ABCA13: variants seen among roughly 807,000 people sequenced by gnomAD.
The protein encoded by ABCA13 is ATP-binding cassette sub-family A member 13.
Under a neutral mutation model 478.7 loss-of-function variants are expected in ABCA13, and 476 were observed. The observed-to-expected ratio is 0.99, with a 90% CI of 0.92 to 1.07. The LOEUF is 1.07. Among genes scored for constraint, ABCA13 ranks in the 50% least tolerant of loss-of-function variants. The pLI is 0.00. For synonymous variants in ABCA13, 2,252 were observed against 2,158.9 expected, an observed-to-expected ratio of 1.04 and a Z score of -1.20; for missense variants, 6,060 against 5,910.6, an observed-to-expected ratio of 1.03 and a Z score of -0.83.
intron 1 of ABCA13, among the ~76,000 whole-genome samples, chr7:48,182,717 C>A (rs1170402131): frequency 6.6e-6 from 1 of 152,196 alleles, no homozygotes; most frequent in Non-Finnish European, 1.5e-5. Flanking sequence ...CAGTATCCAA[C>A]TAACTAAAAG....
intron 27 of ABCA13, among the ~76,000 whole-genome samples, chr7:48,322,191 C>T (rs545179508): frequency 2.6e-5 from 4 of 152,326 alleles, no homozygotes; most frequent in South Asian, 2.1e-4. Flanking sequence ...GGAAACAGAG[C>T]AGGTCCCATA....
intron 29 of ABCA13, 93 bp from the exon 30 acceptor site, chr7:48,350,550 T>G: frequency 1.5e-6 from 2 of 1,350,364 alleles, no homozygotes; most frequent in Non-Finnish European, 2.0e-6. Context: ...TCATATTCAT[T>G]TTCAAATCCA....
chr7:48,464,217 A>G (rs1049881439), intron 43 of ABCA13, among the ~76,000 whole-genome samples: 1 of 152,228 alleles, frequency 6.6e-6, no homozygotes, highest in African/African-American at 2.4e-5. Flanking sequence ...AAAGAGGGAT[A>G]GTTTAGGAAA....
intron 33 of ABCA13, among the ~76,000 whole-genome samples, chr7:48,373,524 T>A (rs1812988081): frequency 6.6e-6 from 1 of 152,250 alleles, no homozygotes; most frequent in South Asian, 2.1e-4. Flanking sequence ...ATCAGTGTTT[T>A]ATCTATTGGT....
At chr7:48,548,562 T>TGTC (rs398038177) in intron 55 of ABCA13, among the ~76,000 whole-genome samples, 2 of 150,426 alleles carry the variant, frequency 1.3e-5, no homozygotes, top group East Asian at 3.9e-4. Context: ...TTTTTTTTTT[T>TGTC]GTCCACAGAT....
chr7:48,398,197 G>A (rs1817111195), intron 38 of ABCA13, among the ~76,000 whole-genome samples: 1 of 152,162 alleles, frequency 6.6e-6, no homozygotes, highest in Non-Finnish European at 1.5e-5. Flanking sequence ...ACAAGTCATA[G>A]GTTACCTATT....
chr7:48,255,285 T>G (rs1793210925), intron 15 of ABCA13, among the ~76,000 whole-genome samples: 1 of 152,184 alleles, frequency 6.6e-6, no homozygotes. Context: ...GTTTCTAATC[T>G]TGGCTTTGCA....
chr7:48,519,911 T>C (rs1342401083), intron 52 of ABCA13, 130 bp from the exon 53 acceptor site: 2 of 879,680 alleles, frequency 2.3e-6, no homozygotes, highest in South Asian at 2.6e-5. Context: ...TCTGAGAATA[T>C]CAGTGAATAG....
chr7:48,450,980 T>TC (rs896014734), intron 42 of ABCA13, among the ~76,000 whole-genome samples: 33 of 150,452 alleles, frequency 2.2e-4, no homozygotes, highest in African/African-American at 7.1e-4. Context: ...TTCTTTTTTT[T>TC]TTTTCTTTTC....
intron 3 of ABCA13, among the ~76,000 whole-genome samples, chr7:48,209,981 A>T (rs914045672): frequency 5.9e-5 from 9 of 152,126 alleles, no homozygotes; most frequent in Admixed American, 3.3e-4. Context: ...TCTGATCTTT[A>T]TTATTTCTTC....
chr7:48,309,381 T>G (rs1801416687), intron 23 of ABCA13, among the ~76,000 whole-genome samples: 1 of 152,158 alleles, frequency 6.6e-6, no homozygotes, highest in Non-Finnish European at 1.5e-5. Context: ...AGCCTTTAAT[T>G]GCGATGCATG....
At chr7:48,473,852 A>G (rs1297445726) in intron 45 of ABCA13, among the ~76,000 whole-genome samples, 1 of 152,080 alleles carries the variant, frequency 6.6e-6, no homozygotes, top group African/African-American at 2.4e-5. Flanking sequence ...CTTTTGGAGG[A>G]ACTAGTCTGC....
chr7:48,227,298 CTGGAAAGCCTCCA>C lies in ABCA13; in HGVS notation c.507_519del (p.Glu170SerfsTer30), dbSNP rs1788360047. 1.2e-6 allele frequency: 2 copies of C among 1,613,660 alleles called. No homozygotes were observed. Among genetic ancestry groups the C allele is most frequent in the African/African-American group, 1.3e-5 (1 of 74,912 alleles). ...TAAGACCGAGGAGGTAATATTGAAA[CTGGAAAGCCTCCA>C]TCAGCAGCCTCATATCTGGGATTTT... is the stretch of plus-strand genomic sequence containing the variant. On this transcript the variant is annotated frameshift_variant, in exon 6 of 62. Transcript: ENST00000435803. LOFTEE classifies it high-confidence loss of function.
chr7:48,471,454 T>G (rs1341274024), intron 44 of ABCA13, 76 bp from the exon 45 acceptor site: 2 of 1,342,012 alleles, frequency 1.5e-6, no homozygotes, highest in Admixed American at 4.0e-5. Context: ...TCTAGTCTGA[T>G]GAAACTCTCT....
chr7:48,588,579 T>C (rs1018399924), intron 57 of ABCA13, among the ~76,000 whole-genome samples: 1 of 152,230 alleles, frequency 6.6e-6, no homozygotes, highest in Non-Finnish European at 1.5e-5. Context: ...CTTTGAATTT[T>C]GCTTCTGCAG....
At chr7:48,587,411 T>C in intron 57 of ABCA13, 123 bp downstream of exon 57, 2 of 1,145,404 alleles carry the variant, frequency 1.7e-6, no homozygotes, top group Non-Finnish European at 2.4e-6. Flanking sequence ...TACAAACTAG[T>C]AAACTGTTTT....
chr7:48,511,791 A>G (rs1025779632), intron 51 of ABCA13, among the ~76,000 whole-genome samples: 1 of 152,168 alleles, frequency 6.6e-6, no homozygotes, highest in African/African-American at 2.4e-5. Context: ...ACGTATGCTT[A>G]TATACAGGCT....
intron 10 of ABCA13, among the ~76,000 whole-genome samples, chr7:48,243,695 A>G (rs926145145): frequency 6.6e-6 from 1 of 152,220 alleles, no homozygotes. Flanking sequence ...TCAACCCCAA[A>G]CTATCAAGAT....
chr7:48,350,934 TC>T, intron 30 of ABCA13, 115 bp downstream of exon 30: 1 of 1,090,042 alleles, frequency 9.2e-7, no homozygotes, highest in Non-Finnish European at 1.3e-6. Flanking sequence ...AGAAGTCCTT[TC>T]CAGATAAAAC....
Sources: allele counts gnomAD v4.1 joint callset (sites outside exome capture counted in the v4.1 genomes callset), GRCh38; gene constraint gnomAD v4.1.1; transcripts MANE v1.5; gene names NCBI Gene and HGNC (gene_info 2026-07-23, HGNC 2026-07-21).